CAMK1D: variants seen among roughly 807,000 people sequenced by gnomAD.
The protein encoded by CAMK1D is calcium/calmodulin-dependent protein kinase type 1D.
CAMK1D carries 9 observed loss-of-function variants against 47.7 expected under a neutral mutation model. The observed-to-expected ratio is 0.19, with a 90% CI of 0.11 to 0.33. CAMK1D has a LOEUF of 0.33. Ranked by LOEUF, CAMK1D falls within the 10% of genes least tolerant of loss-of-function variation. The pLI is 1.00. For missense variants in CAMK1D, 291 were observed against 488.7 expected, an observed-to-expected ratio of 0.60 and a Z score of 3.81; for synonymous variants, 184 against 184.9, an observed-to-expected ratio of 0.99 and a Z score of 0.04.
intron 6 of CAMK1D, among the ~76,000 whole-genome samples, chr10:12,793,910 A>G (rs962851122): frequency 3.3e-5 from 5 of 152,262 alleles, no homozygotes; most frequent in Non-Finnish European, 5.9e-5. Flanking sequence ...TCAAGACAAT[A>G]CATCAGAAAG....
At chr10:12,417,539 G>A (rs563407103) in intron 1 of CAMK1D, among the ~76,000 whole-genome samples, 5 of 152,276 alleles carry the variant, frequency 3.3e-5, no homozygotes, top group East Asian at 1.9e-4. Context: ...CTGGGGCTCC[G>A]GCTGGGGTGG....
At chr10:12,566,271 C>T (rs565073532) in intron 2 of CAMK1D, among the ~76,000 whole-genome samples, 9 of 152,216 alleles carry the variant, frequency 5.9e-5, no homozygotes, top group Admixed American at 3.9e-4. Flanking sequence ...AGTCACATCA[C>T]GCAAGTGTCG....
chr10:12,430,997 G>A (rs565776295), intron 1 of CAMK1D, among the ~76,000 whole-genome samples: 4 of 152,144 alleles, frequency 2.6e-5, no homozygotes, highest in Admixed American at 6.5e-5. Flanking sequence ...TGATCCGCCC[G>A]CTTTGGCCTC....
At chr10:12,637,440 C>T (rs1258292400) in intron 2 of CAMK1D, among the ~76,000 whole-genome samples, 1 of 152,188 alleles carries the variant, frequency 6.6e-6, no homozygotes. Context: ...CTGTTGAAGA[C>T]AGCCTCTGCG....
chr10:12,747,893 A>G (rs12569927), intron 3 of CAMK1D, among the ~76,000 whole-genome samples: 47,599 of 152,080 alleles, frequency 0.31, 9,294 homozygotes, highest in African/African-American at 0.56. Context: ...TGTTCTGTCC[A>G]GATCTTTGAA....
chr10:12,791,116 A>C (rs779328355), intron 5 of CAMK1D, 42 bp from the exon 6 acceptor site: 2 of 1,590,430 alleles, frequency 1.3e-6, no homozygotes, highest in South Asian at 1.1e-5. Context: ...AGTCCGAGGC[A>C]TGTAAATTGT....
chr10:12,747,400 G>T lies in CAMK1D; in HGVS notation c.300-13548G>T, dbSNP rs531465227. 2.0e-5 allele frequency among the ~76,000 whole-genome samples: 3 copies of T among 152,186 alleles called. No homozygotes were observed. The South Asian group carries it at 6.2e-4, about 32-fold the overall frequency. On this transcript the variant is annotated intron_variant, in intron 3 of 10. Coordinates refer to ENST00000619168, the MANE Select transcript of CAMK1D (RefSeq NM_153498.4). ...AGCTCATTGCAGCCTTGAACTCCTG[G>T]GTGTAAACAATCCTCTTGTCTCAGC... is the stretch of plus-strand genomic sequence containing the variant.
intron 1 of CAMK1D, among the ~76,000 whole-genome samples, chr10:12,382,525 A>G (rs1838374309): frequency 6.6e-6 from 1 of 152,150 alleles, no homozygotes; most frequent in African/African-American, 2.4e-5. Context: ...GATTTTAGCT[A>G]TAAAAGTTTA....
chr10:12,815,581 C>T (rs573219731), intron 7 of CAMK1D, among the ~76,000 whole-genome samples: 11 of 152,344 alleles, frequency 7.2e-5, no homozygotes, highest in South Asian at 4.1e-4. Context: ...ATTGAGGGGC[C>T]GCACCCTGCA....
chr10:12,353,996 G>A (rs1837423840), intron 1 of CAMK1D, among the ~76,000 whole-genome samples: 1 of 152,134 alleles, frequency 6.6e-6, no homozygotes, highest in Non-Finnish European at 1.5e-5. Flanking sequence ...TCGGTGTGGT[G>A]TCTAGGAAGC....
At chr10:12,523,196 G>A (rs1334808071) in intron 1 of CAMK1D, among the ~76,000 whole-genome samples, 2 of 151,322 alleles carry the variant, frequency 1.3e-5, no homozygotes, top group African/African-American at 4.9e-5. Context: ...GGGGCGGTGG[G>A]GCAGAGGTGC....
At position 12,833,978 on chromosome 10, in the gene CAMK1D, G is replaced by T. The variant is rs1833463427; in HGVS notation, c.*5091G>T. On this transcript the variant is annotated 3_prime_UTR_variant, in exon 11 of 11. Coordinates refer to ENST00000619168, the MANE Select transcript of CAMK1D (RefSeq NM_153498.4). ...TATGTGATCCACCACCCTTTTGAGG[G>T]GCACCTGGTCCTCGGTTGGGGCTGC... 4 of 152,020 alleles carry T rather than the reference G, an allele frequency of 2.6e-5. No homozygotes were observed. 9.4% of individuals were successfully genotyped at this position (152,020 alleles called of 1,614,324 possible).
At chr10:12,585,870 C>T (rs1327106579) in intron 2 of CAMK1D, among the ~76,000 whole-genome samples, 2 of 152,228 alleles carry the variant, frequency 1.3e-5, no homozygotes, top group African/African-American at 2.4e-5. Context: ...TCCATGGAGG[C>T]TTCTGGACGC....
chr10:12,770,592 G>A (rs1379698963), intron 5 of CAMK1D, among the ~76,000 whole-genome samples: 1 of 152,188 alleles, frequency 6.6e-6, no homozygotes, highest in Non-Finnish European at 1.5e-5. Context: ...TGCCCTCATG[G>A]AGCTTACATT....
intron 1 of CAMK1D, among the ~76,000 whole-genome samples, chr10:12,391,721 C>G (rs886506842): frequency 2.0e-5 from 3 of 152,072 alleles, no homozygotes; most frequent in Admixed American, 2.0e-4. Context: ...AGAATTCTAT[C>G]TTCCTCACAG....
intron 1 of CAMK1D, among the ~76,000 whole-genome samples, chr10:12,478,028 C>T (rs1833952950): frequency 6.9e-6 from 1 of 145,894 alleles, no homozygotes. Flanking sequence ...TTTTTGGAGA[C>T]AGAGTCTTGC....
intron 2 of CAMK1D, among the ~76,000 whole-genome samples, chr10:12,589,913 G>A (rs1005520721): frequency 1.3e-5 from 2 of 152,162 alleles, no homozygotes; most frequent in Non-Finnish European, 2.9e-5. Flanking sequence ...GCCCTTTGCA[G>A]TAGAGACCTG....
At chr10:12,514,050 GC>G (rs1054298204) in intron 1 of CAMK1D, among the ~76,000 whole-genome samples, 2 of 152,182 alleles carry the variant, frequency 1.3e-5, no homozygotes, top group Admixed American at 6.5e-5. Context: ...ATTTGTCACT[GC>G]CCCCCTAGAG....
intron 3 of CAMK1D, among the ~76,000 whole-genome samples, chr10:12,757,215 C>T (rs1335624572): frequency 6.6e-6 from 1 of 152,142 alleles, no homozygotes; most frequent in Non-Finnish European, 1.5e-5. Context: ...ACTGCAGCCT[C>T]AGCCGTCCCG....
Sources: allele counts gnomAD v4.1 joint callset (sites outside exome capture counted in the v4.1 genomes callset), GRCh38; gene constraint gnomAD v4.1.1; transcripts MANE v1.5; gene names NCBI Gene and HGNC (gene_info 2026-07-23, HGNC 2026-07-21).